RPL35: variants seen among roughly 807,000 people sequenced by gnomAD.
RPL35 encodes the protein large ribosomal subunit protein uL29.
A neutral mutation model predicts 15.6 loss-of-function variants in RPL35; 2 were observed. That is an observed-to-expected ratio of 0.13 (90% CI 0.05 to 0.40). RPL35 has a LOEUF of 0.40. Among genes scored for constraint, RPL35 ranks in the 10% least tolerant of loss-of-function variants. The pLI is 0.99. For missense variants in RPL35, 111 were observed against 164.7 expected, an observed-to-expected ratio of 0.67 and a Z score of 1.79; for synonymous variants, 93 against 67.9, an observed-to-expected ratio of 1.37 and a Z score of -1.82.
intron 3 of RPL35, chr9:124,858,607 GGCC>G (rs1829146154): frequency 5.9e-6 from 4 of 680,436 alleles, no homozygotes; most frequent in Admixed American, 2.1e-5. Context: ...CCGGCTTTGG[GGCC>G]CCTGCCCACA....
chr9:124,859,245 C>T (rs1275334972), intron 3 of RPL35, among the ~76,000 whole-genome samples: 1 of 152,230 alleles, frequency 6.6e-6, no homozygotes, highest in Non-Finnish European at 1.5e-5. Flanking sequence ...GGGCTCAAGC[C>T]ATCCTCCTGC....
intron 2 of RPL35, among the ~76,000 whole-genome samples, chr9:124,860,465 G>A (rs1829179800): frequency 6.6e-6 from 1 of 152,192 alleles, no homozygotes; most frequent in African/African-American, 2.4e-5. Flanking sequence ...ATGAGGAAGT[G>A]CAGGCTGGAT....
chr9:124,858,367 A>G, intron 3 of RPL35: 1 of 642,526 alleles, frequency 1.6e-6, no homozygotes, highest in East Asian at 2.7e-5. Flanking sequence ...TGCTCCTTCC[A>G]CTGCCCGATT....
intron 1 of RPL35, 125 bp from the exon 2 acceptor site, chr9:124,861,680 C>A (rs1301260082): frequency 5.6e-6 from 8 of 1,434,844 alleles, no homozygotes; most frequent in Middle Eastern, 1.8e-4. Flanking sequence ...CCAACCAGGG[C>A]TCAGGACAGT....
At chr9:124,858,401 G>A (rs146550982) in intron 3 of RPL35, 36 of 674,528 alleles carry the variant, frequency 5.3e-5, no homozygotes, top group Non-Finnish European at 9.5e-5. Flanking sequence ...ACAGTCACAT[G>A]ACAACCTAGT....
At chr9:124,860,040 A>G (rs1829172002) in intron 3 of RPL35, 143 bp downstream of exon 3, 1 of 671,742 alleles carries the variant, frequency 1.5e-6, no homozygotes, top group African/African-American at 1.8e-5. Flanking sequence ...ACACTGGTAG[A>G]AGAGTGAGCC....
intron 2 of RPL35, 174 bp downstream of exon 2, chr9:124,861,245 C>T (rs1829192295): frequency 2.5e-6 from 2 of 784,598 alleles, no homozygotes; most frequent in Non-Finnish European, 4.1e-6. Context: ...ACAAGGACCG[C>T]AAGGTCAAGG....
In RPL35 at chr9:124,858,418, C is replaced by G. The variant is rs1404462415; in HGVS notation, c.223-351G>C. On this transcript the variant is annotated intron_variant, in intron 3 of 3. Transcript: ENST00000348462. ...AGTCACATGACAACCTAGTACAGGG[C>G]ACGCAGCACCCACCAAGCCCCGGGG... 10 of 704,840 alleles carry G rather than the reference C, an allele frequency of 1.4e-5. No homozygotes were observed. In the Admixed American group the frequency reaches 2.0e-4, roughly 14 times the overall value. 43.7% of individuals were successfully genotyped at this position (704,840 alleles called of 1,614,324 possible). A position where few individuals can be genotyped will look rare whatever the true frequency, so the allele number is the denominator to read the frequency against.
intron 1 of RPL35, 153 bp downstream of exon 1, chr9:124,861,745 CTCCCGGCGCCAA>C: frequency 7.5e-7 from 1 of 1,327,730 alleles, no homozygotes; most frequent in Non-Finnish European, 1.0e-6. Context: ...CCGCGCGCCT[CTCCCGGCGCCAA>C]GCGAAGAGGC....
rs1309174106 is a variant in RPL35 at position 124,861,565 on chromosome 9, A to G, written c.4-10T>C. The G allele has an allele frequency of 6.8e-6, 11 of 1,612,574 alleles. No individual in the cohort carries two copies. Among genetic ancestry groups the G allele is most frequent in the Non-Finnish European group, 9.3e-6 (11 of 1,179,218 alleles). On this transcript the variant is annotated splice_polypyrimidine_tract_variant and intron_variant, in intron 1 of 3. Transcript: ENST00000348462. The stretch of plus-strand genomic sequence containing the variant: ...GAGCCTTGATCTTGGCCTGCGCGCA[A>G]GAGAGAGTGTGCCTCAGCCAGGCCG...
rs1470427897 is a variant in RPL35 at position 124,857,922 on chromosome 9, G to A, written c.368C>T (p.Ala123Val). The A allele has an allele frequency of 6.2e-7, 1 of 1,612,190 alleles. No individual in the cohort carries two copies. The highest frequency in any genetic ancestry group is 1.7e-5 in the Admixed American group (1 of 60,028). ...LYPLRKYAVKA is the reference protein window; with the variant it reads ...LYPLRKYAVKV ...GCTTTATTGACAATGCGCCCCTCAG[G>A]CCTTGACCGCGTACTTCCGCAGCGG... The change falls in exon 4 of 4, where the codon GCC becomes GTC. Residue 123 changes from alanine (A) to valine (V), a missense_variant. Transcript: ENST00000348462.
Position 124,857,978 on chromosome 9 carries a change from G to A in RPL35, c.312C>T (p.Thr104=). 3.1e-6 allele frequency: 5 copies of A among 1,612,246 alleles called. No homozygotes were observed. Among genetic ancestry groups the A allele is most frequent in the Non-Finnish European group, 4.2e-6 (5 of 1,180,042 alleles). ...GCCGCTCCTTCCGCTGCTGCTTCTT[G>A]GTCTTCAGGTTCTCCTCGTGCTTGT... ...RLNKHEENLK[T]KKQQRKERLY... Residue 104 remains threonine (T), a synonymous_variant, in exon 4 of 4, where the codon ACC becomes ACT. Coordinates refer to ENST00000348462, the MANE Select transcript of RPL35 (RefSeq NM_007209.4).
chr9:124,858,086 G>A lies in RPL35; in HGVS notation c.223-19C>T, dbSNP rs1489388016. On this transcript the variant is annotated intron_variant, in intron 3 of 3. Coordinates refer to ENST00000348462, the MANE Select transcript of RPL35 (RefSeq NM_007209.4). ...TCTTGCCCTGGGAGACAGACGGCAG[G>A]GTGAATCCAAGGACCCAGGGCTGAG... is the stretch of plus-strand genomic sequence containing the variant. The A allele has an allele frequency of 6.2e-7, 1 of 1,609,932 alleles. No homozygotes were observed. Among genetic ancestry groups the A allele is most frequent in the Non-Finnish European group, 8.5e-7 (1 of 1,179,136 alleles).
chr9:124,860,949 A>G (rs2131325827), intron 2 of RPL35: 1 of 159,718 alleles, frequency 6.3e-6, no homozygotes, highest in Non-Finnish European at 1.4e-5. Context: ...CTCCTGCCTC[A>G]GCCTCCAGAG....
chr9:124,860,130 G>C, intron 3 of RPL35, 53 bp downstream of exon 3: 1 of 1,337,242 alleles, frequency 7.5e-7, no homozygotes, highest in Non-Finnish European at 1.1e-6. Context: ...GGCCAGGGAC[G>C]GCTAGCACTT....
chr9:124,861,194 A>C, intron 2 of RPL35: 2 of 545,318 alleles, frequency 3.7e-6, no homozygotes, highest in South Asian at 5.0e-5. Flanking sequence ...GTAGGCTTTG[A>C]AGGCAGCATT....
At chr9:124,860,806 C>T (rs566920869) in intron 2 of RPL35, among the ~76,000 whole-genome samples, 1 of 152,198 alleles carries the variant, frequency 6.6e-6, no homozygotes, top group South Asian at 2.1e-4. Flanking sequence ...CCCACCCCTG[C>T]CTCTACTAAG....
rs921224704 is a variant in RPL35, at chr9:124,861,757, A to C, written c.3+153T>G. 179 of 1,344,564 alleles carry C rather than the reference A, an allele frequency of 1.3e-4. 1 individual carries two copies. The highest frequency in any genetic ancestry group is 1.8e-4 in the Non-Finnish European group (176 of 998,448). The allele number at this position is 1,344,564 out of a possible 1,614,324, so 83.3% of individuals were successfully genotyped here. A position where few individuals can be genotyped will look rare whatever the true frequency, so the allele number is the denominator to read the frequency against. On this transcript the variant is annotated intron_variant, in intron 1 of 3. Transcript: ENST00000348462. ...GGGCCGCGCGCCTCTCCCGGCGCCA[A>C]GCGAAGAGGCGGGTTGTGGTGGCGC... is the stretch of plus-strand genomic sequence containing the variant.
intron 2 of RPL35, among the ~76,000 whole-genome samples, chr9:124,860,537 G>A (rs975200275): frequency 1.8e-4 from 27 of 152,210 alleles, no homozygotes; most frequent in African/African-American, 6.3e-4. Flanking sequence ...TGAGGGCTAA[G>A]ACCCAACCAA....
Sources: allele counts gnomAD v4.1 joint callset (sites outside exome capture counted in the v4.1 genomes callset), GRCh38; gene constraint gnomAD v4.1.1; transcripts MANE v1.5; gene names NCBI Gene and HGNC (gene_info 2026-07-23, HGNC 2026-07-21).